PHF24: variants seen among roughly 807,000 people sequenced by gnomAD.
PHF24 encodes PHD finger protein 24.
PHF24 carries 25 observed loss-of-function variants against 42.6 expected under a neutral mutation model. That is an observed-to-expected ratio of 0.59 (90% CI 0.43 to 0.82). The LOEUF (loss-of-function observed/expected upper bound fraction) is 0.82. Ranked by LOEUF, PHF24 falls within the 40% of genes least tolerant of loss-of-function variation. PHF24 has a pLI of 0.00. For missense variants in PHF24, 470 were observed against 538.1 expected (o/e 0.87, Z 1.25); for synonymous variants, 185 against 204.8 (o/e 0.90, Z 0.83).
At chr9:34,693,050 C>T in the PHF24 span, among the ~76,000 whole-genome samples, 3 of 152,180 alleles carry the variant, frequency 2.0e-5, no homozygotes, top group South Asian at 2.1e-4. Flanking sequence ...ATCTGCTTGC[C>T]TCCGCTTCCC....
At chr9:34,717,729 C>G in the PHF24 span, among the ~76,000 whole-genome samples, 1 of 152,110 alleles carries the variant, frequency 6.6e-6, no homozygotes, top group East Asian at 1.9e-4. Flanking sequence ...AGGAGAGGGT[C>G]TTTGCAGGAT....
the PHF24 span, among the ~76,000 whole-genome samples, chr9:34,936,204 C>G: frequency 2.2e-4 from 34 of 152,308 alleles, no homozygotes; most frequent in Non-Finnish European, 2.5e-4. Context: ...GAGTGCCTGC[C>G]ATTGCAGGCG....
the PHF24 span, chr9:34,709,687 G>A: frequency 1.1e-5 from 17 of 1,613,604 alleles, no homozygotes; most frequent in South Asian, 4.4e-5. Flanking sequence ...AAGAACCTGC[G>A]GGTGGGGGCT....
At chr9:34,858,203 C>T in the PHF24 span, among the ~76,000 whole-genome samples, 81 of 152,204 alleles carry the variant, frequency 5.3e-4, no homozygotes, top group African/African-American at 1.9e-3. Flanking sequence ...TTTTGATTCT[C>T]ATGGCCATGC....
chr9:34,768,063 T>C, the PHF24 span, among the ~76,000 whole-genome samples: 1 of 152,150 alleles, frequency 6.6e-6, no homozygotes. Flanking sequence ...GCATTGCAAA[T>C]GCTATATTTG....
the PHF24 span, among the ~76,000 whole-genome samples, chr9:34,876,976 A>T: frequency 6.6e-6 from 1 of 152,188 alleles, no homozygotes; most frequent in East Asian, 1.9e-4. Flanking sequence ...ATTTGCCATA[A>T]AAAGGAACAA....
chr9:34,848,049 A>G, the PHF24 span, among the ~76,000 whole-genome samples: 2 of 151,748 alleles, frequency 1.3e-5, no homozygotes, highest in Admixed American at 1.3e-4. Context: ...AAGGATATTG[A>G]TCTAAAATTC....
the PHF24 span, among the ~76,000 whole-genome samples, chr9:34,818,202 C>T: frequency 0.6 from 91,765 of 151,980 alleles, 28,028 homozygotes; most frequent in Middle Eastern, 0.65. Context: ...CATTGGCTAA[C>T]TTGAGTATTA....
At chr9:34,964,522 T>C (rs1428888354) in intron 1 of PHF24, among the ~76,000 whole-genome samples, 1 of 152,238 alleles carries the variant, frequency 6.6e-6, no homozygotes, top group Non-Finnish European at 1.5e-5. Context: ...TACAGAGTGC[T>C]GGGAAATAGA....
the PHF24 span, chr9:34,918,210 T>C: frequency 6.8e-7 from 1 of 1,477,890 alleles, no homozygotes; most frequent in Non-Finnish European, 9.5e-7. Flanking sequence ...CTCTGCCAAC[T>C]GTGACCCCTT....
chr9:34,701,739 G>A, the PHF24 span, among the ~76,000 whole-genome samples: 8 of 151,952 alleles, frequency 5.3e-5, no homozygotes, highest in South Asian at 1.5e-3. The surrounding 1 kb of genome is among the most constrained non-coding windows in gnomAD (Gnocchi z 5.8). Flanking sequence ...GGACACCGCC[G>A]TCCGGCCAAA....
chr9:34,689,214 G>C, the PHF24 span, among the ~76,000 whole-genome samples: 1 of 152,158 alleles, frequency 6.6e-6, no homozygotes, highest in South Asian at 2.1e-4. The surrounding 1 kb of genome is among the most constrained non-coding windows in gnomAD (Gnocchi z 4.1). Flanking sequence ...GGATTCCTTA[G>C]ACACCTGGAT....
chr9:34,711,510 A>G, the PHF24 span, among the ~76,000 whole-genome samples: 2 of 149,536 alleles, frequency 1.3e-5, no homozygotes, highest in Middle Eastern at 3.4e-3. Context: ...TGGGATTACA[A>G]GTGTGAACCA....
the PHF24 span, among the ~76,000 whole-genome samples, chr9:34,703,514 G>A: frequency 6.6e-6 from 1 of 151,868 alleles, no homozygotes; most frequent in South Asian, 2.1e-4. Flanking sequence ...GAAAGAACCC[G>A]ACAGTTGTTG....
chr9:34,846,984 G>T, the PHF24 span, among the ~76,000 whole-genome samples: 1 of 152,194 alleles, frequency 6.6e-6, no homozygotes, highest in African/African-American at 2.4e-5. Flanking sequence ...CTAGTACCAT[G>T]CTGTTTTGCC....
the PHF24 span, among the ~76,000 whole-genome samples, chr9:34,828,059 T>C: frequency 0.55 from 83,891 of 151,308 alleles, 24,116 homozygotes; most frequent in Non-Finnish European, 0.63. Flanking sequence ...ATAAAAAGTT[T>C]CCGTAGTAAC....
At chr9:34,792,731 C>T in the PHF24 span, among the ~76,000 whole-genome samples, 1 of 151,432 alleles carries the variant, frequency 6.6e-6, no homozygotes, top group Non-Finnish European at 1.5e-5. Flanking sequence ...ATTCATCTTA[C>T]TTTCTGTGTT....
At chr9:34,943,617 A>G in the PHF24 span, among the ~76,000 whole-genome samples, 1 of 152,210 alleles carries the variant, frequency 6.6e-6, no homozygotes, top group African/African-American at 2.4e-5. Context: ...ATAATCACCC[A>G]AGTAAACAGC....
At chr9:34,917,114 C>A in the PHF24 span, 1 of 795,766 alleles carries the variant, frequency 1.3e-6, no homozygotes. Context: ...CCTCTCCTCA[C>A]CTCGCTCTCG....
Sources: allele counts gnomAD v4.1 joint callset (sites outside exome capture counted in the v4.1 genomes callset), GRCh38; gene constraint gnomAD v4.1.1; non-coding constraint Gnocchi (gnomAD v3.1); transcripts MANE v1.5; gene names NCBI Gene and HGNC (gene_info 2026-07-23, HGNC 2026-07-21).